The following CBX5 variants were observed in gnomAD, a reference collection of about 807,000 sequenced individuals.
CBX5 encodes the protein chromobox 5, also known as chromobox protein homolog 5.
A neutral mutation model predicts 20.7 loss-of-function variants in CBX5; 7 were observed. That is an observed-to-expected ratio of 0.34 (90% CI 0.19 to 0.63). CBX5 has a LOEUF of 0.63. Ranked by LOEUF, CBX5 falls within the 30% of genes least tolerant of loss-of-function variation. The pLI, the probability that CBX5 is intolerant of heterozygous loss-of-function variation, is 0.75. For synonymous variants in CBX5, 78 were observed against 77.0 expected (o/e 1.01, Z -0.07); for missense variants, 110 against 224.1 (o/e 0.49, Z 3.25).
intron 2 of CBX5, among the ~76,000 whole-genome samples, chr12:54,254,059 A>C (rs1054067501): frequency 6.6e-6 from 1 of 152,116 alleles, no homozygotes; most frequent in Non-Finnish European, 1.5e-5. Context: ...CCTGAATTGT[A>C]CAATTTCAAT....
chr12:54,254,713 C>T (rs1489718639), intron 2 of CBX5, among the ~76,000 whole-genome samples: 4 of 151,858 alleles, frequency 2.6e-5, no homozygotes, highest in Non-Finnish European at 1.5e-5. Context: ...TTTAGAAGGG[C>T]GTGGTGGCGG....
Position 54,241,497 on chromosome 12 carries a change from TC to T in CBX5, c.*257del. 1 of 371,296 alleles carries T rather than the reference TC, an allele frequency of 2.7e-6. No homozygotes were observed. The highest frequency in any genetic ancestry group is 4.8e-5 in the East Asian group (1 of 20,782). The allele number at this position is 371,296 out of a possible 1,614,324, so 23.0% of individuals were successfully genotyped here. ...GTCACAGGGAAGCAGAAGGAAGAGA[TC>T]AGGGCAAAGGAAAAAAAAATTGTGG... On this transcript the variant is annotated 3_prime_UTR_variant, in exon 5 of 5. Coordinates refer to ENST00000209875, the MANE Select transcript of CBX5 (RefSeq NM_012117.3).
intron 2 of CBX5, among the ~76,000 whole-genome samples, chr12:54,254,152 G>A (rs1299764865): frequency 6.6e-6 from 1 of 150,724 alleles, no homozygotes; most frequent in African/African-American, 2.4e-5. Flanking sequence ...TGGCTCATGC[G>A]TGTAATCCCA....
intron 2 of CBX5, among the ~76,000 whole-genome samples, chr12:54,256,644 T>C (rs921381077): frequency 6.6e-6 from 1 of 152,104 alleles, no homozygotes; most frequent in Admixed American, 6.6e-5. Context: ...ATAAAATACA[T>C]CCCAGATTTT....
chr12:54,249,523 G>C (rs1445299122), intron 3 of CBX5, among the ~76,000 whole-genome samples: 1 of 151,482 alleles, frequency 6.6e-6, no homozygotes, highest in African/African-American at 2.4e-5. Context: ...TTAGAATGAA[G>C]ATACATAGGG....
rs907193092 is a variant in CBX5 at position 54,233,514 on chromosome 12, T to G, written c.*8241A>C. 3 of 152,192 alleles carry G rather than the reference T, an allele frequency of 2.0e-5. No individual in the cohort carries two copies. Among genetic ancestry groups the G allele is most frequent in the African/African-American group, 7.2e-5 (3 of 41,434 alleles). 9.4% of individuals were successfully genotyped at this position (152,192 alleles called of 1,614,324 possible). A position where few individuals can be genotyped will look rare whatever the true frequency, so the allele number is the denominator to read the frequency against. On this transcript the variant is annotated 3_prime_UTR_variant, in exon 5 of 5. Coordinates refer to ENST00000209875, the MANE Select transcript of CBX5 (RefSeq NM_012117.3). ...CATGATTAAACTGTCTTTTCAGGTG[T>G]TCTCAAAGAATTTCTAGGCAGAAAG...
chr12:54,269,106 A>G (rs931783889), intron 1 of CBX5, among the ~76,000 whole-genome samples: 14 of 151,982 alleles, frequency 9.2e-5, no homozygotes, highest in Admixed American at 7.9e-4. Flanking sequence ...TAAAACTACA[A>G]AACAGCAGCC....
At chr12:54,243,686 T>C (rs1315547097) in intron 4 of CBX5, among the ~76,000 whole-genome samples, 2 of 152,042 alleles carry the variant, frequency 1.3e-5, no homozygotes, top group South Asian at 2.1e-4. Context: ...CTGGCCAACA[T>C]GATGAAACCC....
rs563419510 is a variant in CBX5 at position 54,242,307 on chromosome 12, C to T, written c.426-402G>A. Among the ~76,000 whole-genome samples the T allele has an allele frequency of 1.7e-3, 254 of 152,066 alleles. 4 individuals carry two copies. In the South Asian group the frequency reaches 0.051, roughly 31 times the overall value. ...TTGGGAGGCCGAGGCGGGTGGATCA[C>T]GAGGTCAGGAGATCGAGACCATCCT... On this transcript the variant is annotated intron_variant, in intron 4 of 4. Coordinates refer to ENST00000209875, the MANE Select transcript of CBX5 (RefSeq NM_012117.3).
At chr12:54,267,001 C>G (rs973477471) in intron 1 of CBX5, among the ~76,000 whole-genome samples, 4 of 152,166 alleles carry the variant, frequency 2.6e-5, no homozygotes, top group African/African-American at 9.7e-5. Flanking sequence ...GAATTTGGCA[C>G]CACCATGGGA....
At chr12:54,261,852 C>G (rs545529840) in intron 1 of CBX5, among the ~76,000 whole-genome samples, 8 of 152,134 alleles carry the variant, frequency 5.3e-5, no homozygotes, top group Admixed American at 4.6e-4. Context: ...TACGTACCTC[C>G]GAGGGAAAAA....
chr12:54,271,500 A>G (rs1030346499), intron 1 of CBX5, among the ~76,000 whole-genome samples: 1 of 152,024 alleles, frequency 6.6e-6, no homozygotes, highest in Non-Finnish European at 1.5e-5. Flanking sequence ...TAATTTTTGT[A>G]TTTTTAGTAG....
intron 1 of CBX5, among the ~76,000 whole-genome samples, chr12:54,276,354 T>A (rs970068413): frequency 6.6e-6 from 1 of 152,202 alleles, no homozygotes; most frequent in African/African-American, 2.4e-5. Flanking sequence ...ATACTTACAT[T>A]AGCCTACTGT....
intron 1 of CBX5, chr12:54,262,780 C>T (rs1444143982): frequency 6.6e-6 from 1 of 152,510 alleles, no homozygotes; most frequent in East Asian, 1.9e-4. Context: ...TGGTGGTTCA[C>T]ACTGAGCTTA....
intron 3 of CBX5, among the ~76,000 whole-genome samples, chr12:54,248,974 G>C (rs1048732817): frequency 6.6e-6 from 1 of 152,180 alleles, no homozygotes; most frequent in African/African-American, 2.4e-5. Flanking sequence ...AGGGACATGT[G>C]GGGGTTGTTT....
intron 1 of CBX5, among the ~76,000 whole-genome samples, chr12:54,268,022 T>C (rs907092304): frequency 2.0e-5 from 3 of 152,040 alleles, no homozygotes; most frequent in South Asian, 2.1e-4. Context: ...TGGGCGCCTG[T>C]AATCCCAGTT....
At position 54,267,090 on chromosome 12, in the gene CBX5, A is replaced by G. The variant is rs1943964374; in HGVS notation, c.-42-9398T>C. On this transcript the variant is annotated intron_variant, in intron 1 of 4. Transcript: ENST00000209875. The stretch of plus-strand genomic sequence containing the variant: ...ACTCATCTTAAGGCACCACATTCTC[A>G]GGTGGGTGTTAATCTCACATCCACT... Among the ~76,000 whole-genome samples the G allele has an allele frequency of 2.6e-5, 4 of 152,198 alleles. No individual in the cohort carries two copies. In the South Asian group the frequency reaches 6.2e-4, roughly 24 times the overall value.
intron 1 of CBX5, chr12:54,259,142 T>A (rs1943890650): frequency 6.6e-6 from 1 of 152,090 alleles, no homozygotes; most frequent in Non-Finnish European, 1.5e-5. Flanking sequence ...TTTCCATGAA[T>A]TTAGAAGAGT....
intron 1 of CBX5, among the ~76,000 whole-genome samples, chr12:54,269,933 C>T (rs902925134): frequency 6.6e-6 from 1 of 152,164 alleles, no homozygotes; most frequent in Non-Finnish European, 1.5e-5. Flanking sequence ...AAGTTACTAA[C>T]TTCAACTAAG....
Sources: gnomAD v4.1 joint callset for allele counts (sites outside exome capture counted in the v4.1 genomes callset) on GRCh38, gnomAD v4.1.1 for gene constraint, MANE v1.5 for transcripts, NCBI Gene and HGNC (gene_info 2026-07-23, HGNC 2026-07-21) for gene names.